Variants in LRP5 observed in about 807,000 individuals in gnomAD.
LRP5 encodes the protein LDL receptor related protein 5.
LRP5 carries 62 observed loss-of-function variants against 154.1 expected under a neutral mutation model. That is an observed-to-expected ratio of 0.40 (90% confidence interval 0.33 to 0.50). LRP5 has a LOEUF of 0.50. Among genes scored for constraint, LRP5 ranks in the 20% least tolerant of loss-of-function variants. The pLI is 0.55. For synonymous variants in LRP5, 966 were observed against 1,011.5 expected, an observed-to-expected ratio of 0.96 and a Z score of 0.85; for missense variants, 1,915 against 2,336.7, an observed-to-expected ratio of 0.82 and a Z score of 3.72.
upstream of LRP5, among the ~76,000 whole-genome samples, chr11:68,310,480 C>T (rs1171448141): frequency 1.3e-5 from 2 of 152,164 alleles, no homozygotes; most frequent in South Asian, 2.1e-4. Flanking sequence ...ATAAGCTGGG[C>T]GTGGTGGCAC....
At chr11:68,325,651 C>G (rs2098599222) in intron 1 of LRP5, among the ~76,000 whole-genome samples, 1 of 152,218 alleles carries the variant, frequency 6.6e-6, no homozygotes, top group African/African-American at 2.4e-5. Context: ...GCTGCAGGTG[C>G]AGGGTCGGGG....
At chr11:68,319,122 G>A (rs556819121) in intron 1 of LRP5, among the ~76,000 whole-genome samples, 1 of 147,660 alleles carries the variant, frequency 6.8e-6, no homozygotes, top group Admixed American at 6.9e-5. Context: ...TCACGCCCAG[G>A]ATGGAGTGCG....
intron 5 of LRP5, among the ~76,000 whole-genome samples, chr11:68,370,316 G>A (rs2098633332): frequency 6.6e-6 from 1 of 152,176 alleles, no homozygotes; most frequent in South Asian, 2.1e-4. Context: ...GCCCAGAGCA[G>A]CCCTGGGGAG....
chr11:68,322,373 C>T (rs1459925557), intron 1 of LRP5, among the ~76,000 whole-genome samples: 1 of 152,230 alleles, frequency 6.6e-6, no homozygotes, highest in African/African-American at 2.4e-5. Context: ...TGGAACCTCC[C>T]CTTTGCCCAT....
intron 13 of LRP5, among the ~76,000 whole-genome samples, chr11:68,417,200 G>A (rs1474396737): frequency 6.6e-6 from 1 of 152,140 alleles, no homozygotes; most frequent in Non-Finnish European, 1.5e-5. Context: ...ACTGGAAGGA[G>A]GATTGTGGGA....
In LRP5 at chr11:68,413,590, A is replaced by G; in HGVS notation, c.2504-99A>G. On this transcript the variant is annotated intron_variant, in intron 11 of 22. Transcript: ENST00000294304. This position sits in a 1 kb window ranked among gnomAD's most constrained non-coding sequence, Gnocchi z 5.1. The stretch of plus-strand genomic sequence containing the variant: ...ACTTTAAGGCATTCATGTGGTCGCT[A>G]GGCTGCAGGGTTGAACCCTGGCTCA... The G allele has an allele frequency of 5.7e-6, 6 of 1,053,444 alleles. No individual in the cohort carries two copies. Among genetic ancestry groups the G allele is most frequent in the Non-Finnish European group, 8.8e-6 (6 of 679,670 alleles). The allele number at this position is 1,053,444 out of a possible 1,614,324, so 65.3% of individuals were successfully genotyped here.
At position 68,363,774 on chromosome 11, in the gene LRP5, G is replaced by C. The variant is rs149522146; in HGVS notation, c.714G>C (p.Thr238=). 3.1e-6 allele frequency: 5 copies of C among 1,612,720 alleles called. No homozygotes were observed. Among genetic ancestry groups the C allele is most frequent in the Non-Finnish European group, 4.2e-6 (5 of 1,179,852 alleles). The change falls in exon 4 of 23, where the codon ACG becomes ACC. Residue 238 remains threonine, a synonymous_variant. Coordinates refer to ENST00000294304, the MANE Select transcript of LRP5 (RefSeq NM_002335.4). ...FRQKVVEGSL[T]HPFALTLSGD... ...AGAAGGTGGTGGAGGGCAGCCTGAC[G>C]CACCCCTTCGCCCTGACGCTCTCCG... is the stretch of plus-strand genomic sequence containing the variant.
chr11:68,361,187 C>G (rs528176316), intron 3 of LRP5, among the ~76,000 whole-genome samples: 1 of 147,888 alleles, frequency 6.8e-6, no homozygotes, highest in South Asian at 2.2e-4. Context: ...CACCTGTAGT[C>G]CCAGCTACTC....
At chr11:68,347,805 T>C (rs769428147) in intron 1 of LRP5, 42 bp from the exon 2 acceptor site, 6 of 1,610,084 alleles carry the variant, frequency 3.7e-6, no homozygotes, top group South Asian at 1.1e-5. Flanking sequence ...TGTATCTTGC[T>C]GGCTTAGCCA....
chr11:68,445,860 G>T (rs1488860488), intron 21 of LRP5, among the ~76,000 whole-genome samples: 2 of 152,250 alleles, frequency 1.3e-5, no homozygotes, highest in Non-Finnish European at 2.9e-5. Context: ...GGGTGCCTTT[G>T]TCTGGAGTGG....
chr11:68,404,130 C>T (rs979079190), intron 8 of LRP5: 45 of 424,842 alleles, frequency 1.1e-4, no homozygotes, highest in African/African-American at 7.6e-4. Flanking sequence ...CTGTGGCCCA[C>T]GCATGTGCAC....
At chr11:68,396,923 T>C (rs1565074554) in intron 7 of LRP5, among the ~76,000 whole-genome samples, 1 of 152,048 alleles carries the variant, frequency 6.6e-6, no homozygotes, top group African/African-American at 2.4e-5. Context: ...TGGGCTGAGG[T>C]CCCCTGATTG....
chr11:68,331,043 C>T (rs758545901), intron 1 of LRP5, among the ~76,000 whole-genome samples: 2 of 152,214 alleles, frequency 1.3e-5, no homozygotes, highest in African/African-American at 2.4e-5. Context: ...TGTGATCAGG[C>T]GCAGTTGGGA....
rs2098662369 is a variant in LRP5, at chr11:68,416,065, TAAATA to T, written c.2828-260_2828-256del. On this transcript the variant is annotated intron_variant, in intron 12 of 22. Coordinates refer to ENST00000294304, the MANE Select transcript of LRP5 (RefSeq NM_002335.4). ...GCGAGACTCCATCTCAAAAAAAAAA[TAAATA>T]AATAAAAGAAAAATAAATTTATGAT... Among the ~76,000 whole-genome samples the T allele has an allele frequency of 3.3e-5, 5 of 151,158 alleles. No homozygotes were observed. The South Asian group carries it at 1.1e-3, about 32-fold the overall frequency.
chr11:68,376,337 A>G, intron 5 of LRP5, among the ~76,000 whole-genome samples: 1 of 151,766 alleles, frequency 6.6e-6, no homozygotes, highest in East Asian at 1.9e-4. Context: ...ACCCGCCACC[A>G]CACTCGGCTT....
chr11:68,367,000 C>A (rs1223396785), intron 5 of LRP5, among the ~76,000 whole-genome samples: 1 of 19,956 alleles, frequency 5.0e-5, no homozygotes, highest in Non-Finnish European at 9.1e-5. Context: ...GGCTCTGGGG[C>A]TGGGTGGGTG....
At chr11:68,301,756 GC>G in the LRP5 span, among the ~76,000 whole-genome samples, 2 of 146,940 alleles carry the variant, frequency 1.4e-5, no homozygotes, top group Non-Finnish European at 1.5e-5. Flanking sequence ...CTCCCGAGTA[GC>G]TGGGACTACA....
At chr11:68,316,437 A>T (rs113530330) in intron 1 of LRP5, among the ~76,000 whole-genome samples, 5,137 of 151,960 alleles carry the variant, frequency 0.034, 258 homozygotes, top group African/African-American at 0.12. Flanking sequence ...ACGCCCAGCT[A>T]ATTTTTGTAT....
intron 9 of LRP5, among the ~76,000 whole-genome samples, chr11:68,409,097 C>T (rs4930574): frequency 0.24 from 17,103 of 71,024 alleles, 2,517 homozygotes; most frequent in East Asian, 0.31. Flanking sequence ...TATATATATA[C>T]ACACACATAC....
Sources: gnomAD v4.1 joint callset for allele counts (sites outside exome capture counted in the v4.1 genomes callset) on GRCh38, gnomAD v4.1.1 for gene constraint, Gnocchi (gnomAD v3.1) non-coding constraint, MANE v1.5 for transcripts, NCBI Gene and HGNC (gene_info 2026-07-23, HGNC 2026-07-21) for gene names.